Variants in GPHN observed in about 807,000 individuals in gnomAD.
GPHN encodes the protein gephyrin.
A neutral mutation model predicts 95.5 loss-of-function variants in GPHN; 17 were observed. That is an observed-to-expected ratio of 0.18 (90% CI 0.12 to 0.27). The LOEUF is 0.27. Ranked by LOEUF, GPHN falls within the 10% of genes least tolerant of loss-of-function variation. The probability of loss-of-function intolerance (pLI) is 1.00; values close to 1 mark genes in which losing one functional copy is unlikely to be tolerated. For missense variants in GPHN, 660 were observed against 978.1 expected, an observed-to-expected ratio of 0.67 and a Z score of 4.34; for synonymous variants, 320 against 322.5, an observed-to-expected ratio of 0.99 and a Z score of 0.08.
intron 14 of GPHN, among the ~76,000 whole-genome samples, chr14:67,111,527 C>A (rs1189663924): frequency 6.6e-6 from 1 of 151,926 alleles, no homozygotes; most frequent in Non-Finnish European, 1.5e-5. Flanking sequence ...AGGGTAGCCA[C>A]CTACATATGT....
the GPHN span, among the ~76,000 whole-genome samples, chr14:67,630,554 G>C: frequency 6.6e-6 from 1 of 152,160 alleles, no homozygotes; most frequent in Non-Finnish European, 1.5e-5. Flanking sequence ...AGTTACAAGC[G>C]AGGTTAGTAA....
chr14:66,872,904 A>G (rs1292227212), intron 4 of GPHN, among the ~76,000 whole-genome samples: 3 of 152,090 alleles, frequency 2.0e-5, no homozygotes, highest in Admixed American at 1.3e-4. Flanking sequence ...AAAAAAAAAA[A>G]AAGGGTGCCC....
the GPHN span, among the ~76,000 whole-genome samples, chr14:67,339,313 G>A: frequency 6.6e-6 from 1 of 151,968 alleles, no homozygotes; most frequent in African/African-American, 2.4e-5. Flanking sequence ...CCTTTATTAG[G>A]TTAAATTTTG....
the GPHN span, among the ~76,000 whole-genome samples, chr14:67,408,335 AAAATAAAATAAAATAAAAT>A: frequency 1.9e-4 from 28 of 146,848 alleles, no homozygotes; most frequent in South Asian, 4.6e-3. Flanking sequence ...AAAATAAAAT[AAAATAAAATAAAATAAAAT>A]AAAAAAAGAA....
chr14:66,665,165 G>T (rs2065879596), intron 1 of GPHN, among the ~76,000 whole-genome samples: 2 of 152,056 alleles, frequency 1.3e-5, no homozygotes, highest in Admixed American at 1.3e-4. Flanking sequence ...CCAAAACTTT[G>T]CAGAGATACA....
At position 66,711,782 on chromosome 14, in the gene GPHN, G is replaced by A. The variant is rs572293929; in HGVS notation, c.143+30597G>A. 2.0e-4 allele frequency among the ~76,000 whole-genome samples: 27 copies of A among 132,100 alleles called. No individual in the cohort carries two copies. The South Asian group carries it at 2.7e-3, about 13-fold the overall frequency. 86.7% of individuals were successfully genotyped at this position (132,100 alleles called of 152,430 possible). A position where few individuals can be genotyped will look rare whatever the true frequency, so the allele number is the denominator to read the frequency against. ...CAGGCCCCAGTGTGTGATGTTCCCCGCCCTGGGTCTGTGTGTTCTCGTTGT... is the reference window on the plus strand; with the variant it reads ...CAGGCCCCAGTGTGTGATGTTCCCCACCCTGGGTCTGTGTGTTCTCGTTGT... On this transcript the variant is annotated intron_variant, in intron 2 of 22. Transcript: ENST00000478722.
At chr14:66,522,948 C>T (rs2058542005) in intron 1 of GPHN, among the ~76,000 whole-genome samples, 1 of 151,956 alleles carries the variant, frequency 6.6e-6, no homozygotes, top group African/African-American at 2.4e-5. Flanking sequence ...TGGATTTTTT[C>T]AGTGGGAGTT....
the GPHN span, among the ~76,000 whole-genome samples, chr14:67,358,944 C>G: frequency 6.6e-6 from 1 of 152,180 alleles, no homozygotes; most frequent in East Asian, 1.9e-4. Flanking sequence ...TTAAGACACT[C>G]TTTCATCCTG....
At chr14:67,614,208 A>G in the GPHN span, among the ~76,000 whole-genome samples, 1 of 152,180 alleles carries the variant, frequency 6.6e-6, no homozygotes, top group African/African-American at 2.4e-5. Context: ...AAGTGCTAGC[A>G]TTATAGGCAT....
At chr14:66,625,199 C>G (rs1225097696) in intron 1 of GPHN, among the ~76,000 whole-genome samples, 1 of 152,230 alleles carries the variant, frequency 6.6e-6, no homozygotes, top group South Asian at 2.1e-4. Flanking sequence ...TCTCCTTAGC[C>G]TCCCATGTAA....
intron 9 of GPHN, chr14:66,985,855 T>A (rs1000662481): frequency 1.7e-6 from 1 of 583,246 alleles, no homozygotes; most frequent in Admixed American, 3.3e-5. Context: ...CCATTTTTTT[T>A]ATTTTAATAT....
At chr14:67,155,710 G>T (rs573864195) in intron 18 of GPHN, among the ~76,000 whole-genome samples, 3 of 152,072 alleles carry the variant, frequency 2.0e-5, no homozygotes, top group Admixed American at 2.0e-4. Flanking sequence ...TGAGCAAAAC[G>T]ATATTTAAAA....
chr14:67,685,204 C>A, the GPHN span: 1 of 1,609,550 alleles, frequency 6.2e-7, no homozygotes, highest in Non-Finnish European at 8.5e-7. Flanking sequence ...AACGCCAGAG[C>A]CTGGTTGGGG....
chr14:67,207,629 G>A, the GPHN span, among the ~76,000 whole-genome samples: 2 of 152,126 alleles, frequency 1.3e-5, no homozygotes, highest in African/African-American at 4.8e-5. Context: ...TTGGCTTTAG[G>A]GCCTGCTGAC....
intron 12 of GPHN, among the ~76,000 whole-genome samples, chr14:67,090,147 A>T (rs2077089203): frequency 6.6e-6 from 1 of 152,246 alleles, no homozygotes; most frequent in Admixed American, 6.5e-5. Context: ...ATGTTTAAAA[A>T]GTTTTTCAGT....
At chr14:67,082,600 T>C (rs1193032298) in intron 11 of GPHN, among the ~76,000 whole-genome samples, 1 of 152,222 alleles carries the variant, frequency 6.6e-6, no homozygotes, top group Non-Finnish European at 1.5e-5. Flanking sequence ...ACAATTGTTT[T>C]GGCTATTTGG....
chr14:67,397,368 C>T, the GPHN span, among the ~76,000 whole-genome samples: 1 of 152,326 alleles, frequency 6.6e-6, no homozygotes, highest in African/African-American at 2.4e-5. Context: ...GCCTGCCTCC[C>T]AGCCCATACA....
At chr14:67,462,674 G>T in the GPHN span, among the ~76,000 whole-genome samples, 1 of 152,202 alleles carries the variant, frequency 6.6e-6, no homozygotes, top group Admixed American at 6.5e-5. Context: ...AGCTGTGAGG[G>T]GCACCTCGTG....
chr14:66,737,266 T>C (rs2072379351), intron 2 of GPHN, among the ~76,000 whole-genome samples: 1 of 152,058 alleles, frequency 6.6e-6, no homozygotes, highest in Non-Finnish European at 1.5e-5. Flanking sequence ...TTCCCCTCTT[T>C]CGGGCTTTTG....
Sources: allele counts gnomAD v4.1 joint callset (sites outside exome capture counted in the v4.1 genomes callset), GRCh38; gene constraint gnomAD v4.1.1; transcripts MANE v1.5; gene names NCBI Gene and HGNC (gene_info 2026-07-23, HGNC 2026-07-21).